Variants in MTUS2 observed in about 807,000 individuals in gnomAD.
The protein encoded by MTUS2 is microtubule-associated tumor suppressor candidate 2.
Under a neutral mutation model 114.1 loss-of-function variants are expected in MTUS2, and 40 were observed. The ratio of observed to expected loss-of-function variants is 0.35; its 90% CI spans 0.27 to 0.46. MTUS2 has a LOEUF of 0.46. Ranked by LOEUF, MTUS2 falls within the 20% of genes least tolerant of loss-of-function variation. MTUS2 has a pLI of 1.00. For missense variants in MTUS2, 1,679 were observed against 1,705.4 expected (o/e 0.98, Z 0.27); for synonymous variants, 688 against 672.0 (o/e 1.02, Z -0.37).
At chr13:29,449,966 C>T (rs963796517) in intron 9 of MTUS2, among the ~76,000 whole-genome samples, 1 of 152,190 alleles carries the variant, frequency 6.6e-6, no homozygotes, top group African/African-American at 2.4e-5. Flanking sequence ...TTCTGCTCCC[C>T]GTCCTCGGGG....
At chr13:29,067,947 CAATT>C (rs56124688) in intron 4 of MTUS2, among the ~76,000 whole-genome samples, 58,095 of 151,802 alleles carry the variant, frequency 0.38, 11,339 homozygotes, top group African/African-American at 0.44. Flanking sequence ...AGAATAAAAA[CAATT>C]AATTGATTGG....
At chr13:28,856,129 A>G (rs1876611993) in intron 2 of MTUS2, among the ~76,000 whole-genome samples, 1 of 152,220 alleles carries the variant, frequency 6.6e-6, no homozygotes, top group African/African-American at 2.4e-5. Flanking sequence ...GTGAGAGAAA[A>G]GATGTTCCCA....
At chr13:29,133,328 G>A (rs956219789) in intron 5 of MTUS2, among the ~76,000 whole-genome samples, 16 of 152,030 alleles carry the variant, frequency 1.1e-4, no homozygotes, top group Non-Finnish European at 8.8e-5. Context: ...TTAATCTGTT[G>A]GTAATGGTTT....
intron 8 of MTUS2, among the ~76,000 whole-genome samples, chr13:29,370,203 G>A (rs1008538274): frequency 6.6e-6 from 1 of 151,908 alleles, no homozygotes; most frequent in Non-Finnish European, 1.5e-5. Context: ...GAGAGAAAAT[G>A]GTTTTTTAAA....
intron 9 of MTUS2, among the ~76,000 whole-genome samples, chr13:29,456,920 G>A (rs1043589135): frequency 8.6e-5 from 13 of 152,016 alleles, no homozygotes; most frequent in African/African-American, 2.2e-4. Flanking sequence ...GGCGAATCAC[G>A]AGGTCAGGAG....
intron 5 of MTUS2, among the ~76,000 whole-genome samples, chr13:29,261,537 A>C (rs1897471312): frequency 6.6e-6 from 1 of 152,238 alleles, no homozygotes; most frequent in African/African-American, 2.4e-5. Context: ...TCTGACACAG[A>C]AGCAGACTAT....
intron 2 of MTUS2, among the ~76,000 whole-genome samples, chr13:28,867,914 A>C (rs960105373): frequency 1.3e-5 from 2 of 152,198 alleles, no homozygotes; most frequent in African/African-American, 2.4e-5. Context: ...TTGCTTGCTC[A>C]GACTCTAGGG....
At chr13:29,385,843 T>A (rs1162224505) in intron 8 of MTUS2, among the ~76,000 whole-genome samples, 1 of 152,198 alleles carries the variant, frequency 6.6e-6, no homozygotes, top group Non-Finnish European at 1.5e-5. Flanking sequence ...ATATGACTCA[T>A]TTTTCTGATA....
intron 2 of MTUS2, among the ~76,000 whole-genome samples, chr13:28,966,740 A>C (rs912535016): frequency 1.3e-5 from 2 of 151,790 alleles, no homozygotes; most frequent in African/African-American, 4.8e-5. Flanking sequence ...AAAAAAAAAA[A>C]AAAAAAAACA....
At chr13:29,436,922 A>C (rs1324989635) in intron 8 of MTUS2, among the ~76,000 whole-genome samples, 1 of 151,902 alleles carries the variant, frequency 6.6e-6, no homozygotes, top group African/African-American at 2.4e-5. Flanking sequence ...AAACATCAGC[A>C]TTAGGTTTTC....
At chr13:29,020,773 G>T (rs1283896308) in intron 2 of MTUS2, among the ~76,000 whole-genome samples, 1 of 151,474 alleles carries the variant, frequency 6.6e-6, no homozygotes, top group Non-Finnish European at 1.5e-5. Context: ...ATGTGTCCCA[G>T]CTCTGCCACT....
intron 6 of MTUS2, among the ~76,000 whole-genome samples, chr13:29,282,579 G>T (rs1039767715): frequency 6.6e-6 from 1 of 152,214 alleles, no homozygotes; most frequent in African/African-American, 2.4e-5. Flanking sequence ...TGCCTGCAGG[G>T]ATGTTTGTGT....
chr13:29,235,265 G>A (rs1009260635), intron 5 of MTUS2, among the ~76,000 whole-genome samples: 1 of 152,012 alleles, frequency 6.6e-6, no homozygotes, highest in African/African-American at 2.4e-5. Flanking sequence ...GGCTAATTTT[G>A]TATTTTTGGT....
At chr13:29,376,595 C>A (rs949674036) in intron 8 of MTUS2, among the ~76,000 whole-genome samples, 2 of 151,992 alleles carry the variant, frequency 1.3e-5, no homozygotes, top group Non-Finnish European at 2.9e-5. Flanking sequence ...TGATTTCAAC[C>A]AGGGGTGACA....
chr13:28,903,146 A>G (rs1879748886), intron 2 of MTUS2, among the ~76,000 whole-genome samples: 1 of 152,128 alleles, frequency 6.6e-6, no homozygotes, highest in Non-Finnish European at 1.5e-5. Context: ...TTTTAGAAAT[A>G]TATTATTTTA....
At chr13:29,146,162 C>T (rs1235613438) in intron 5 of MTUS2, among the ~76,000 whole-genome samples, 1 of 152,168 alleles carries the variant, frequency 6.6e-6, no homozygotes, top group African/African-American at 2.4e-5. Context: ...AGAATGTCAA[C>T]ACCTTTGTCA....
chr13:29,503,283 G>A lies in MTUS2; in HGVS notation c.*77G>A, dbSNP rs1054292901. On this transcript the variant is annotated 3_prime_UTR_variant, in exon 16 of 16. Transcript: ENST00000612955. The stretch of plus-strand genomic sequence containing the variant: ...CCTGAGGGAGCACCGACCCGGTGCC[G>A]CCGGAGCTGGCCCTGTGCGCATGCT... 55 of 1,504,328 alleles carry A rather than the reference G, an allele frequency of 3.7e-5. No homozygotes were observed. Among genetic ancestry groups the A allele is most frequent in the Non-Finnish European group, 4.2e-5 (46 of 1,098,150 alleles). The allele number at this position is 1,504,328 out of a possible 1,614,324, so 93.2% of individuals were successfully genotyped here. A position where few individuals can be genotyped will look rare whatever the true frequency, so the allele number is the denominator to read the frequency against.
chr13:29,010,375 A>G (rs1207327942), intron 2 of MTUS2, among the ~76,000 whole-genome samples: 3 of 152,066 alleles, frequency 2.0e-5, no homozygotes, highest in Non-Finnish European at 4.4e-5. Flanking sequence ...GCCTCCTTGG[A>G]ACCAAAATCT....
chr13:29,184,285 AG>A (rs1320701044), intron 5 of MTUS2, among the ~76,000 whole-genome samples: 6 of 152,170 alleles, frequency 3.9e-5, no homozygotes, highest in African/African-American at 1.4e-4. Context: ...CACCCCCTCC[AG>A]GGGCCTCCCT....
Sources: allele counts gnomAD v4.1 joint callset (sites outside exome capture counted in the v4.1 genomes callset), GRCh38; gene constraint gnomAD v4.1.1; transcripts MANE v1.5; gene names NCBI Gene and HGNC (gene_info 2026-07-23, HGNC 2026-07-21).